PAX5: variants seen among roughly 807,000 people sequenced by gnomAD.
PAX5 encodes paired box protein Pax-5.
Under a neutral mutation model 43.7 loss-of-function variants are expected in PAX5, and 9 were observed. The observed-to-expected ratio is 0.21, with a 90% CI of 0.12 to 0.36. The LOEUF is 0.36. PAX5 is among the 10% of genes least tolerant of loss of function. PAX5 has a pLI of 1.00. For synonymous variants in PAX5, 228 were observed against 214.3 expected (o/e 1.06, Z -0.56); for missense variants, 383 against 532.7 (o/e 0.72, Z 2.77).
At chr9:36,957,026 A>G (rs2039218) in intron 6 of PAX5, among the ~76,000 whole-genome samples, 36 of 12,846 alleles carry the variant, frequency 2.8e-3, no homozygotes, top group South Asian at 6.4e-3. Flanking sequence ...TGTCCCCCCC[A>G]CTTCCACCCT....
chr9:36,946,008 A>G (rs969847529), intron 6 of PAX5, among the ~76,000 whole-genome samples: 2 of 152,228 alleles, frequency 1.3e-5, no homozygotes, highest in African/African-American at 4.8e-5. Flanking sequence ...AGATGCACAC[A>G]TATACCTCCC....
intron 7 of PAX5, among the ~76,000 whole-genome samples, chr9:36,912,936 A>T (rs187122199): frequency 4.2e-4 from 64 of 152,348 alleles, no homozygotes; most frequent in Non-Finnish European, 4.9e-4. Flanking sequence ...AGAGAAGAGG[A>T]TGACCAATGT....
chr9:36,856,314 G>A (rs889979736), intron 8 of PAX5, among the ~76,000 whole-genome samples: 1 of 152,176 alleles, frequency 6.6e-6, no homozygotes, highest in African/African-American at 2.4e-5. Flanking sequence ...GCAGAGAAAG[G>A]GAATAAAACA....
At chr9:36,912,815 C>T (rs1007958909) in intron 7 of PAX5, among the ~76,000 whole-genome samples, 3 of 152,238 alleles carry the variant, frequency 2.0e-5, no homozygotes, top group African/African-American at 4.8e-5. Context: ...GACACCCCTT[C>T]GGTGGCTCTT....
intron 7 of PAX5, among the ~76,000 whole-genome samples, chr9:36,891,427 C>A (rs1827369840): frequency 6.6e-6 from 1 of 152,258 alleles, no homozygotes; most frequent in Non-Finnish European, 1.5e-5. Flanking sequence ...AGTGCATACG[C>A]CGCCAGGCTT....
At chr9:37,018,831 G>T (rs1168405655) in intron 2 of PAX5, among the ~76,000 whole-genome samples, 1 of 152,116 alleles carries the variant, frequency 6.6e-6, no homozygotes, top group Non-Finnish European at 1.5e-5. Flanking sequence ...GTGCCGGCTG[G>T]TCTCGGAAGC....
intron 1 of PAX5, among the ~76,000 whole-genome samples, chr9:37,030,759 C>T (rs1395486532): frequency 6.6e-6 from 1 of 152,222 alleles, no homozygotes; most frequent in African/African-American, 2.4e-5. Flanking sequence ...CTTTCCACGC[C>T]TCCCAGCGCA....
intron 1 of PAX5, among the ~76,000 whole-genome samples, chr9:37,027,328 C>T (rs1402636671): frequency 6.6e-6 from 1 of 152,232 alleles, no homozygotes; most frequent in Admixed American, 6.5e-5. Context: ...CCGCGGCCCC[C>T]GCTGCTCGCC....
chr9:37,025,882 G>A (rs1240163698), intron 1 of PAX5, among the ~76,000 whole-genome samples: 2 of 152,114 alleles, frequency 1.3e-5, no homozygotes, highest in Non-Finnish European at 2.9e-5. Flanking sequence ...ATGAGAAAAG[G>A]CGTCCTGCAG....
In PAX5 at chr9:36,839,831, C is replaced by T. The variant is rs1821899108; in HGVS notation, c.*729G>A. The T allele has an allele frequency of 4.3e-6, 1 of 233,714 alleles. No individual in the cohort carries two copies. The allele number at this position is 233,714 out of a possible 1,614,324, so 14.5% of individuals were successfully genotyped here. A position where few individuals can be genotyped will look rare whatever the true frequency, so the allele number is the denominator to read the frequency against. ...ATCTGGAAAAGAGCTGCTGATACTG[C>T]ATCGGTCCCAGAGAAATGGAGGCAG... is the stretch of plus-strand genomic sequence containing the variant. On this transcript the variant is annotated 3_prime_UTR_variant, in exon 10 of 10. Coordinates refer to ENST00000358127, the MANE Select transcript of PAX5 (RefSeq NM_016734.3).
chr9:36,966,015 G>A (rs1416038685), intron 6 of PAX5, among the ~76,000 whole-genome samples: 1 of 152,214 alleles, frequency 6.6e-6, no homozygotes, highest in African/African-American at 2.4e-5. Context: ...AATAACCCAG[G>A]TGGGAGTTTG....
intron 8 of PAX5, among the ~76,000 whole-genome samples, chr9:36,880,365 T>C (rs1826300794): frequency 6.6e-6 from 1 of 152,158 alleles, no homozygotes; most frequent in Admixed American, 6.5e-5. Flanking sequence ...GGGCTGGCTT[T>C]AGGAGGATGG....
intron 5 of PAX5, among the ~76,000 whole-genome samples, chr9:36,981,185 G>GGCCCCCCCC (rs1554676937): frequency 9.4e-6 from 1 of 106,494 alleles, no homozygotes; most frequent in Non-Finnish European, 1.9e-5. Flanking sequence ...AAACAGCAAA[G>GGCCCCCCCC]CCCCCCCCCC....
chr9:36,962,710 T>C (rs941577631), intron 6 of PAX5, among the ~76,000 whole-genome samples: 3 of 152,136 alleles, frequency 2.0e-5, no homozygotes, highest in Non-Finnish European at 2.9e-5. Flanking sequence ...CAAATCAAGC[T>C]TCCCGACCCC....
intron 7 of PAX5, among the ~76,000 whole-genome samples, chr9:36,907,670 G>A (rs1465128900): frequency 6.6e-6 from 1 of 152,192 alleles, no homozygotes; most frequent in Admixed American, 6.5e-5. Flanking sequence ...CAGCTAGGGT[G>A]TCCTTAAAAC....
intron 6 of PAX5, among the ~76,000 whole-genome samples, chr9:36,940,097 C>T (rs947122822): frequency 1.3e-5 from 2 of 152,206 alleles, no homozygotes; most frequent in African/African-American, 4.8e-5. Context: ...GAGTCTGAGG[C>T]TCCCCTGCTC....
intron 8 of PAX5, among the ~76,000 whole-genome samples, chr9:36,869,891 G>GATAA (rs1165250225): frequency 2.5e-5 from 3 of 120,562 alleles, no homozygotes; most frequent in Non-Finnish European, 5.1e-5. Context: ...TGGATGGATG[G>GATAA]ATAAATGGAT....
intron 3 of PAX5, among the ~76,000 whole-genome samples, chr9:37,008,588 C>A (rs1490618666): frequency 6.6e-6 from 1 of 152,188 alleles, no homozygotes; most frequent in Non-Finnish European, 1.5e-5. Flanking sequence ...AAGGGCAGTC[C>A]GTGTCCTCAG....
intron 5 of PAX5, among the ~76,000 whole-genome samples, chr9:36,988,621 C>G (rs1383847366): frequency 6.9e-6 from 1 of 143,900 alleles, no homozygotes; most frequent in East Asian, 2.0e-4. Flanking sequence ...TGTGTTTGCA[C>G]CACTGCACTC....
Sources: gnomAD v4.1 joint callset for allele counts (sites outside exome capture counted in the v4.1 genomes callset) on GRCh38, gnomAD v4.1.1 for gene constraint, MANE v1.5 for transcripts, NCBI Gene and HGNC (gene_info 2026-07-23, HGNC 2026-07-21) for gene names.